The following CHST11 variants were observed in gnomAD, a reference collection of about 807,000 sequenced individuals.
The protein encoded by CHST11 is carbohydrate sulfotransferase 11, also known as C4S-1.
A neutral mutation model predicts 30.4 loss-of-function variants in CHST11; 9 were observed. The observed-to-expected ratio is 0.30, with a 90% CI of 0.18 to 0.52. CHST11 has a LOEUF of 0.52. Among genes scored for constraint, CHST11 ranks in the 20% least tolerant of loss-of-function variants. CHST11 has a pLI of 0.97. For missense variants in CHST11, 348 were observed against 460.6 expected (o/e 0.76, Z 2.24); for synonymous variants, 152 against 187.8 (o/e 0.81, Z 1.56).
At chr12:104,707,960 T>C (rs1481932890) in intron 2 of CHST11, among the ~76,000 whole-genome samples, 1 of 152,136 alleles carries the variant, frequency 6.6e-6, no homozygotes, top group Non-Finnish European at 1.5e-5. Context: ...ACATACAGAC[T>C]CATGCTCACA....
intron 1 of CHST11, among the ~76,000 whole-genome samples, chr12:104,471,468 TA>T (rs1304837111): frequency 6.6e-6 from 1 of 152,208 alleles, no homozygotes; most frequent in Non-Finnish European, 1.5e-5. Flanking sequence ...ATACCATGGC[TA>T]AATGTGAACA....
intron 2 of CHST11, among the ~76,000 whole-genome samples, chr12:104,751,168 C>G (rs2040428818): frequency 6.6e-6 from 1 of 152,186 alleles, no homozygotes; most frequent in Non-Finnish European, 1.5e-5. Flanking sequence ...CCTTTGTGGT[C>G]CTGAATGCAG....
At chr12:104,545,752 G>T (rs2038340586) in intron 1 of CHST11, among the ~76,000 whole-genome samples, 1 of 152,144 alleles carries the variant, frequency 6.6e-6, no homozygotes, top group African/African-American at 2.4e-5. Flanking sequence ...TTTGCAGATG[G>T]CTAACTTCTC....
chr12:104,643,107 C>G (rs2039393131), intron 2 of CHST11, among the ~76,000 whole-genome samples: 1 of 151,506 alleles, frequency 6.6e-6, no homozygotes, highest in Non-Finnish European at 1.5e-5. Flanking sequence ...GAGGATCACT[C>G]GAGGCTGGGA....
At chr12:104,670,887 C>T (rs1592829925) in intron 2 of CHST11, among the ~76,000 whole-genome samples, 1 of 135,962 alleles carries the variant, frequency 7.4e-6, no homozygotes, top group Non-Finnish European at 1.5e-5. Flanking sequence ...AACAGAAACA[C>T]ACACATACAT....
chr12:104,497,909 CTT>C (rs1205174607), intron 1 of CHST11, among the ~76,000 whole-genome samples: 3,039 of 75,590 alleles, frequency 0.04, 19 homozygotes, highest in South Asian at 0.12. Flanking sequence ...CCTGCCCCCT[CTT>C]TTTTTTTTTT....
At chr12:104,602,655 T>G (rs1047853859) in intron 2 of CHST11, among the ~76,000 whole-genome samples, 1 of 152,190 alleles carries the variant, frequency 6.6e-6, no homozygotes, top group Non-Finnish European at 1.5e-5. Flanking sequence ...TGGGTCTTGA[T>G]GTGGAGACTC....
intron 2 of CHST11, among the ~76,000 whole-genome samples, chr12:104,696,922 GT>G (rs1362676162): frequency 1.3e-5 from 2 of 152,160 alleles, no homozygotes; most frequent in Non-Finnish European, 2.9e-5. Flanking sequence ...ACAACTATGT[GT>G]TTTGATGTCC....
At chr12:104,742,522 T>C (rs2040355440) in intron 2 of CHST11, among the ~76,000 whole-genome samples, 1 of 152,164 alleles carries the variant, frequency 6.6e-6, no homozygotes, top group South Asian at 2.1e-4. Context: ...TCCCAAGCAG[T>C]GTGGGAGCTG....
chr12:104,506,857 T>A (rs1325359040), intron 1 of CHST11, among the ~76,000 whole-genome samples: 1 of 152,092 alleles, frequency 6.6e-6, no homozygotes, highest in East Asian at 1.9e-4. Context: ...AGAGGGGACA[T>A]ATACAGCTGG....
intron 2 of CHST11, among the ~76,000 whole-genome samples, chr12:104,688,931 G>A (rs963797168): frequency 1.3e-5 from 2 of 151,710 alleles, no homozygotes; most frequent in Non-Finnish European, 2.9e-5. Flanking sequence ...GACCAGCCTG[G>A]GCAAGAAGGG....
chr12:104,558,963 A>G lies in CHST11; in HGVS notation c.119-42943A>G, dbSNP rs145449950. Among the ~76,000 whole-genome samples the G allele has an allele frequency of 4.3e-3, 657 of 152,124 alleles. 8 individuals carry two copies. Among genetic ancestry groups the G allele is most frequent in the African/African-American group, 0.015 (619 of 41,486 alleles). ...GCAGGTGAGTAACAAACCCATCTTAATAGCACAGCTGCATTCTCCATTGGA... is the reference window on the plus strand; with the variant it reads ...GCAGGTGAGTAACAAACCCATCTTAGTAGCACAGCTGCATTCTCCATTGGA... On this transcript the variant is annotated intron_variant, in intron 1 of 2. Coordinates refer to ENST00000303694, the MANE Select transcript of CHST11 (RefSeq NM_018413.6).
chr12:104,675,418 C>A (rs2039732015), intron 2 of CHST11, among the ~76,000 whole-genome samples: 1 of 152,198 alleles, frequency 6.6e-6, no homozygotes, highest in African/African-American at 2.4e-5. Flanking sequence ...GTGATACAGA[C>A]TCATAACTTT....
At chr12:104,467,069 T>G (rs1001161862) in intron 1 of CHST11, among the ~76,000 whole-genome samples, 3 of 152,230 alleles carry the variant, frequency 2.0e-5, no homozygotes, top group African/African-American at 7.2e-5. Context: ...AGGAATAGGA[T>G]AGTTAAAAGT....
chr12:104,659,154 C>T (rs888913748), intron 2 of CHST11, among the ~76,000 whole-genome samples: 6 of 152,198 alleles, frequency 3.9e-5, no homozygotes, highest in African/African-American at 1.4e-4. Flanking sequence ...TGCTCAAGAA[C>T]TGGGATGATG....
intron 2 of CHST11, among the ~76,000 whole-genome samples, chr12:104,688,790 T>C (rs1012250756): frequency 2.6e-5 from 4 of 152,164 alleles, no homozygotes; most frequent in African/African-American, 9.7e-5. Flanking sequence ...TAAGATGATG[T>C]TGTAGCATAA....
chr12:104,476,360 A>G (rs1195473475), intron 1 of CHST11, among the ~76,000 whole-genome samples: 2 of 151,490 alleles, frequency 1.3e-5, no homozygotes, highest in African/African-American at 2.4e-5. Context: ...GATATGTAAT[A>G]TATGTGTGTA....
At chr12:104,460,795 G>A (rs912173125) in intron 1 of CHST11, among the ~76,000 whole-genome samples, 6 of 152,078 alleles carry the variant, frequency 3.9e-5, no homozygotes, top group Admixed American at 3.3e-4. Flanking sequence ...TTGAGTAATT[G>A]GTCATCAGTT....
intron 2 of CHST11, among the ~76,000 whole-genome samples, chr12:104,620,177 A>C (rs1006548267): frequency 6.6e-6 from 1 of 152,132 alleles, no homozygotes; most frequent in Non-Finnish European, 1.5e-5. Flanking sequence ...ATGGCTCCCA[A>C]ATGGTGCCCC....
Sources: gnomAD v4.1 joint callset for allele counts (sites outside exome capture counted in the v4.1 genomes callset) on GRCh38, gnomAD v4.1.1 for gene constraint, MANE v1.5 for transcripts, NCBI Gene and HGNC (gene_info 2026-07-23, HGNC 2026-07-21) for gene names.